SH3GLB1: variants seen among roughly 807,000 people sequenced by gnomAD.
SH3GLB1 encodes the protein endophilin-B1.
A neutral mutation model predicts 42.0 loss-of-function variants in SH3GLB1; 17 were observed. The ratio of observed to expected loss-of-function variants is 0.40; its 90% confidence interval spans 0.28 to 0.61. The LOEUF (loss-of-function observed/expected upper bound fraction) is 0.61. SH3GLB1 is among the 20% of genes least tolerant of loss of function. The pLI is 0.36. For missense variants in SH3GLB1, 355 were observed against 426.3 expected (o/e 0.83, Z 1.47); for synonymous variants, 132 against 146.6 (o/e 0.90, Z 0.72).
intron 7 of SH3GLB1, 128 bp from the exon 8 acceptor site, chr1:86,742,080 G>A (rs995468175): frequency 2.6e-5 from 17 of 641,718 alleles, no homozygotes; most frequent in African/African-American, 9.2e-5. Context: ...TGTCATTAAC[G>A]TATTATTAAT....
At chr1:86,727,815 CT>C (rs1460784880) in intron 5 of SH3GLB1, among the ~76,000 whole-genome samples, 3 of 151,988 alleles carry the variant, frequency 2.0e-5, no homozygotes, top group Non-Finnish European at 4.4e-5. Flanking sequence ...GAAAATATTT[CT>C]TTAACATCAT....
intron 2 of SH3GLB1, 96 bp from the exon 3 acceptor site, chr1:86,719,411 T>C: frequency 2.0e-6 from 2 of 1,013,192 alleles, no homozygotes; most frequent in East Asian, 2.7e-5. Context: ...ATGCTAACTT[T>C]AGGAGATGAT....
In SH3GLB1 at chr1:86,742,234, A is replaced by T; in HGVS notation, c.788A>T (p.Asn263Ile). The part of the protein sequence containing the change: ...GSFPSNYLSN[N>I]NQTSVTPVPS... Reference sequence around the variant, plus strand: ...TTTCCATCCAATTATCTTAGTAACAACAATCAGACTTCTGTGACACCTGTA... The same window carrying T: ...TTTCCATCCAATTATCTTAGTAACATCAATCAGACTTCTGTGACACCTGTA... Residue 263 changes from asparagine to isoleucine, a missense_variant, in exon 8 of 9, where the codon AAC (asparagine) becomes ATC (isoleucine). Transcript: ENST00000370558. The T allele has an allele frequency of 6.2e-7, 1 of 1,614,082 alleles. No individual in the cohort carries two copies.
chr1:86,716,673 C>T (rs1294767248), intron 2 of SH3GLB1, among the ~76,000 whole-genome samples: 1 of 152,108 alleles, frequency 6.6e-6, no homozygotes, highest in Admixed American at 6.5e-5. Flanking sequence ...AATAATCTTG[C>T]AGTTAAGGTG....
intron 7 of SH3GLB1, among the ~76,000 whole-genome samples, chr1:86,736,254 C>T (rs929485828): frequency 6.6e-5 from 10 of 151,810 alleles, no homozygotes; most frequent in African/African-American, 2.4e-4. Context: ...AGCAGGGGAG[C>T]GATATGTAGC....
intron 1 of SH3GLB1, among the ~76,000 whole-genome samples, chr1:86,713,357 C>G (rs1654325045): frequency 6.6e-6 from 1 of 152,096 alleles, no homozygotes; most frequent in Non-Finnish European, 1.5e-5. Flanking sequence ...GCTGACATTA[C>G]AGGCGGGGGC....
At chr1:86,737,838 G>A (rs1655851134) in intron 7 of SH3GLB1, among the ~76,000 whole-genome samples, 1 of 152,148 alleles carries the variant, frequency 6.6e-6, no homozygotes, top group African/African-American at 2.4e-5. Context: ...ACACATGCAG[G>A]CATCTGAGAG....
Position 86,743,025 on chromosome 1 carries a change from C to T in SH3GLB1, c.991-103C>T, listed in dbSNP as rs922790262. 7.9e-6 allele frequency: 7 copies of T among 884,952 alleles called. No homozygotes were observed. The African/African-American group carries it at 1.2e-4, about 15-fold the overall frequency. 54.8% of individuals were successfully genotyped at this position (884,952 alleles called of 1,614,324 possible). ...CACAATTGATAATAACGTTTAAAGT[C>T]CTTTTGGTGAATAATTTAAACAAAT... On this transcript the variant is annotated intron_variant, in intron 8 of 8. Transcript: ENST00000370558.
intron 7 of SH3GLB1, among the ~76,000 whole-genome samples, chr1:86,737,249 A>G (rs1222286942): frequency 1.3e-5 from 2 of 152,206 alleles, no homozygotes; most frequent in South Asian, 2.1e-4. Flanking sequence ...AGTAATTGCT[A>G]TGATTTTTTA....
chr1:86,706,843 T>C (rs1653896658), intron 1 of SH3GLB1, among the ~76,000 whole-genome samples: 1 of 152,210 alleles, frequency 6.6e-6, no homozygotes, highest in Admixed American at 6.5e-5. Flanking sequence ...ATTTAAAAAA[T>C]TAAATCTAGC....
intron 7 of SH3GLB1, 48 bp downstream of exon 7, chr1:86,735,227 C>G (rs367570509): frequency 2.4e-6 from 3 of 1,241,388 alleles, no homozygotes; most frequent in East Asian, 2.3e-5. Flanking sequence ...CAGATTTTTG[C>G]TTATGAACTA....
At chr1:86,713,698 T>TC (rs1383502077) in intron 1 of SH3GLB1, among the ~76,000 whole-genome samples, 1 of 151,942 alleles carries the variant, frequency 6.6e-6, no homozygotes, top group African/African-American at 2.4e-5. Context: ...TGCCCATCCC[T>TC]CCCCCACTGA....
At chr1:86,715,655 T>A in intron 1 of SH3GLB1, 69 bp from the exon 2 acceptor site, 1 of 1,468,770 alleles carries the variant, frequency 6.8e-7, no homozygotes, top group Non-Finnish European at 9.1e-7. Flanking sequence ...ATTTGCTTTT[T>A]ACTTATTGAT....
chr1:86,743,040 T>C, intron 8 of SH3GLB1, 88 bp from the exon 9 acceptor site: 1 of 1,042,460 alleles, frequency 9.6e-7, no homozygotes, highest in Non-Finnish European at 1.4e-6. Context: ...TGGTGAATAA[T>C]TTAAACAAAT....
chr1:86,714,829 C>A (rs1654415960), intron 1 of SH3GLB1, among the ~76,000 whole-genome samples: 1 of 152,106 alleles, frequency 6.6e-6, no homozygotes, highest in African/African-American at 2.4e-5. Context: ...CAGCTTGAGT[C>A]ATCACCTCTA....
chr1:86,727,663 G>A (rs973854048), intron 5 of SH3GLB1, among the ~76,000 whole-genome samples: 1 of 152,066 alleles, frequency 6.6e-6, no homozygotes, highest in Non-Finnish European at 1.5e-5. Context: ...CTACATTTAC[G>A]AATCCAATTT....
chr1:86,723,139 A>C (rs957702890), intron 4 of SH3GLB1, among the ~76,000 whole-genome samples: 1 of 152,232 alleles, frequency 6.6e-6, no homozygotes, highest in Non-Finnish European at 1.5e-5. Flanking sequence ...AACTTTGAAT[A>C]TGTTCACAAT....
At chr1:86,732,008 TCAGC>T (rs1399763197) in intron 5 of SH3GLB1, among the ~76,000 whole-genome samples, 4 of 152,092 alleles carry the variant, frequency 2.6e-5, no homozygotes, top group Non-Finnish European at 5.9e-5. Context: ...GAGTTTGCAG[TCAGC>T]CAGGATCAGC....
intron 5 of SH3GLB1, among the ~76,000 whole-genome samples, chr1:86,729,908 A>G (rs893131837): frequency 6.6e-6 from 1 of 152,120 alleles, no homozygotes; most frequent in African/African-American, 2.4e-5. Context: ...TATAAAAGTC[A>G]TACTTTCACA....
Sources: allele counts gnomAD v4.1 joint callset (sites outside exome capture counted in the v4.1 genomes callset), GRCh38; gene constraint gnomAD v4.1.1; transcripts MANE v1.5; gene names NCBI Gene and HGNC (gene_info 2026-07-23, HGNC 2026-07-21).